The following MYH9 variants were observed in gnomAD, a reference collection of about 807,000 sequenced individuals.
MYH9 encodes myosin-9.
A neutral mutation model predicts 241.9 loss-of-function variants in MYH9; 29 were observed. The ratio of observed to expected loss-of-function variants is 0.12; its 90% CI spans 0.09 to 0.16. The LOEUF (loss-of-function observed/expected upper bound fraction) is 0.16, where lower values mean the gene tolerates loss of function less well. Among genes scored for constraint, MYH9 ranks in the 10% least tolerant of loss-of-function variants. The pLI, the probability that MYH9 is intolerant of heterozygous loss-of-function variation, is 1.00. For missense variants in MYH9, 1,803 were observed against 2,595.5 expected (o/e 0.69, Z 6.63); for synonymous variants, 1,047 against 1,062.6 (o/e 0.99, Z 0.29).
intron 1 of MYH9, among the ~76,000 whole-genome samples, chr22:36,376,999 G>C (rs997043348): frequency 2.6e-5 from 4 of 151,810 alleles, no homozygotes; most frequent in Non-Finnish European, 4.4e-5. Context: ...GGAGGTGGAG[G>C]TTGCAGTGAG....
chr22:36,286,711 C>T lies in MYH9; in HGVS notation c.5061+7G>A. On this transcript the variant is annotated splice_region_variant and intron_variant, in intron 35 of 40. Transcript: ENST00000216181. ...GCGGTGCCGCTCTCCATTGCAGCCCCACCCACCTCCTGCAACTGGATCATC... is the reference window on the plus strand; with the variant it reads ...GCGGTGCCGCTCTCCATTGCAGCCCTACCCACCTCCTGCAACTGGATCATC... The T allele has an allele frequency of 6.2e-7, 1 of 1,611,958 alleles. No individual in the cohort carries two copies.
At chr22:36,304,204 T>G (rs1205136176) in intron 18 of MYH9, 49 bp from the exon 19 acceptor site, 1 of 1,604,608 alleles carries the variant, frequency 6.2e-7, no homozygotes, top group African/African-American at 1.3e-5. Flanking sequence ...TGGCCACAGC[T>G]CCATGAAAGG....
chr22:36,325,353 C>G (rs1228919780), intron 5 of MYH9, among the ~76,000 whole-genome samples: 1 of 152,200 alleles, frequency 6.6e-6, no homozygotes, highest in African/African-American at 2.4e-5. Context: ...CACCCCAGAC[C>G]TGCATGCAGA....
chr22:36,377,779 G>A lies in MYH9; in HGVS notation c.-20+10028C>T, dbSNP rs5756166. Among the ~76,000 whole-genome samples the A allele has an allele frequency of 9.9e-4, 151 of 152,114 alleles. 1 individual carries two copies. In the East Asian group the frequency reaches 0.028, roughly 29 times the overall value. Reference sequence around the variant, plus strand: ...AAAAAAATTAGCCGGGCACGGTGGCGGGCACCTTGTAGTCTCAGCTACTCG... The same window carrying A: ...AAAAAAATTAGCCGGGCACGGTGGCAGGCACCTTGTAGTCTCAGCTACTCG... On this transcript the variant is annotated intron_variant, in intron 1 of 40. Coordinates refer to ENST00000216181, the MANE Select transcript of MYH9 (RefSeq NM_002473.6).
Position 36,355,921 on chromosome 22 carries a change from C to G in MYH9, c.-19-6666G>C, listed in dbSNP as rs1303855401. ...CCCCATCTCCCCATGCTGGCTTGCA[C>G]AAGGGACTCCATCCTTCCGACCTAA... is the stretch of plus-strand genomic sequence containing the variant. On this transcript the variant is annotated intron_variant, in intron 1 of 40. Transcript: ENST00000216181. 5.3e-5 allele frequency among the ~76,000 whole-genome samples: 8 copies of G among 152,300 alleles called. No individual in the cohort carries two copies. The East Asian group carries it at 1.5e-3, about 29-fold the overall frequency.
At chr22:36,372,426 C>T (rs530526738) in intron 1 of MYH9, among the ~76,000 whole-genome samples, 110 of 148,866 alleles carry the variant, frequency 7.4e-4, no homozygotes, top group African/African-American at 2.7e-3. Flanking sequence ...GAGGTTGAGG[C>T]TGCAATAAGC....
chr22:36,385,169 TTTC>T (rs1468848419), intron 1 of MYH9, among the ~76,000 whole-genome samples: 2 of 149,596 alleles, frequency 1.3e-5, no homozygotes, highest in African/African-American at 5.0e-5. Flanking sequence ...GGTTTTTTTT[TTTC>T]TCTCTCTCTC....
intron 1 of MYH9, among the ~76,000 whole-genome samples, chr22:36,379,912 C>T (rs2018229878): frequency 6.6e-6 from 1 of 152,204 alleles, no homozygotes; most frequent in Non-Finnish European, 1.5e-5. Flanking sequence ...GGAATGGGAA[C>T]CTGAGTAATT....
chr22:36,333,582 A>G lies in MYH9; in HGVS notation c.491-6094T>C, dbSNP rs1183784674. Among the ~76,000 whole-genome samples, 4 of 152,242 alleles carry G rather than the reference A, an allele frequency of 2.6e-5. No individual in the cohort carries two copies. The East Asian group carries it at 7.7e-4, about 29-fold the overall frequency. On this transcript the variant is annotated intron_variant, in intron 3 of 40. Coordinates refer to ENST00000216181, the MANE Select transcript of MYH9 (RefSeq NM_002473.6). Reference sequence around the variant, plus strand: ...CACACGGGGCTGACAGCCTTGGTCAAGACTAAACAAATTTGACAGAAGCCA... The same window carrying G: ...CACACGGGGCTGACAGCCTTGGTCAGGACTAAACAAATTTGACAGAAGCCA...
intron 19 of MYH9, among the ~76,000 whole-genome samples, chr22:36,303,533 A>G (rs2016918375): frequency 6.6e-6 from 1 of 151,928 alleles, no homozygotes; most frequent in Admixed American, 6.6e-5. Context: ...CTGTAATCCC[A>G]GCACTTTGGG....
chr22:36,295,439 A>C lies in MYH9; in HGVS notation c.3485+66T>G. The C allele has an allele frequency of 7.4e-7, 1 of 1,342,552 alleles. No individual in the cohort carries two copies. The highest frequency in any genetic ancestry group is 1.1e-6 in the Non-Finnish European group (1 of 952,366). The allele number at this position is 1,342,552 out of a possible 1,614,324, so 83.2% of individuals were successfully genotyped here. ...GTGTGTGTGCAGAGGCCCGGGGTCC[A>C]TGTCTCCAAGCCAAGGCCCCCCTGG... On this transcript the variant is annotated intron_variant, in intron 26 of 40. Transcript: ENST00000216181. The surrounding 1 kb of genome is among the most constrained non-coding windows in gnomAD (Gnocchi z 4.1).
chr22:36,282,696 T>A lies in MYH9; in HGVS notation c.5855A>T (p.Asp1952Val). 3.7e-6 allele frequency: 6 copies of A among 1,614,048 alleles called. No homozygotes were observed. Among genetic ancestry groups the A allele is most frequent in the Non-Finnish European group, 5.1e-6 (6 of 1,180,032 alleles). Residue 1952 changes from aspartate to valine, a missense_variant, in exon 41 of 41, where the codon GAT (aspartate) becomes GTT (valine). Physicochemically the swap from Asp to Val is radical, Grantham distance 152 (BLOSUM62 -3). This residue lies in a region of MYH9 where 876 missense variants were observed against 1,077.8 expected (regional missense o/e 0.81). Coordinates refer to ENST00000216181, the MANE Select transcript of MYH9 (RefSeq NM_002473.6). ...TTCGGCAGGTTTGGCCTCAGCCCCA[T>A]CCGCTTTGCCATCTACCTCTTCGTC... ...GSDEEVDGKA[D>V]GAEAKPAE
rs2016623550 is a variant in MYH9 at position 36,288,295 on chromosome 22, T to C, written c.4889A>G (p.Asn1630Ser). 1 of 1,614,018 alleles carries C rather than the reference T, an allele frequency of 6.2e-7. No homozygotes were observed. The highest frequency in any genetic ancestry group is 1.1e-5 in the South Asian group (1 of 91,082). ...TTTGATGGCTTCGTCCCGGTTCTTG[T>C]TGGCCGAGTCGATGTGCGCCTCCAG... ...KDLEAHIDSA[N>S]KNRDEAIKQL... The change falls in exon 34 of 41, where the codon AAC becomes AGC. Residue 1630 changes from asparagine (N) to serine (S), a missense_variant. Physicochemically the swap from Asn to Ser is conservative, Grantham distance 46 (BLOSUM62 1). This residue lies in a region of MYH9 where 876 missense variants were observed against 1,077.8 expected (regional missense o/e 0.81). Coordinates refer to ENST00000216181, the MANE Select transcript of MYH9 (RefSeq NM_002473.6). The surrounding 1 kb of genome is among the most constrained non-coding windows in gnomAD (Gnocchi z 4.8).
rs147991005 is a variant in MYH9, at chr22:36,289,426, C to T, written c.4345-129G>A. On this transcript the variant is annotated intron_variant, in intron 31 of 40. Transcript: ENST00000216181. ...TGGAGAGGAGCAGGCCTAGGAAGCA[C>T]AGGCCCAGGGCTGTGCCCAGGACAA... is the stretch of plus-strand genomic sequence containing the variant. 260 of 821,394 alleles carry T rather than the reference C, an allele frequency of 3.2e-4. 1 individual carries two copies. The East Asian group carries it at 6.0e-3, about 19-fold the overall frequency. 50.9% of individuals were successfully genotyped at this position (821,394 alleles called of 1,614,324 possible).
intron 2 of MYH9, among the ~76,000 whole-genome samples, chr22:36,342,043 G>C (rs2017599231): frequency 6.6e-6 from 1 of 152,196 alleles, no homozygotes; most frequent in African/African-American, 2.4e-5. Context: ...GATCCTTTGT[G>C]GGATAGTGGG....
At chr22:36,322,369 A>G in intron 6 of MYH9, 60 bp downstream of exon 6, 2 of 1,571,040 alleles carry the variant, frequency 1.3e-6, no homozygotes, top group Non-Finnish European at 1.8e-6. Flanking sequence ...AGGCAGCATG[A>G]GCCAAAGCTC....
rs771591274 is a variant in MYH9 at position 36,292,131 on chromosome 22, C to A, written c.4199G>T (p.Arg1400Leu). Residue 1400 changes from arginine to leucine, a missense_variant, in exon 31 of 41, where the codon CGG (arginine) becomes CTG (leucine). By Grantham distance (102) the Arg-to-Leu change is moderately radical. Around this residue, in one of 11 missense-constraint regions of MYH9, gnomAD observed 876 missense variants for 1,077.8 expected, o/e 0.81. Transcript: ENST00000216181. ...LQKDLEGLSQ[R>L]HEEKVAAYDK... ...GTAGGCGGCCACCTTCTCCTCGTGC[C>A]GCTGGCTCAGGCCCTCCAGGTCCTT... 2.5e-6 allele frequency: 4 copies of A among 1,614,070 alleles called. No individual in the cohort carries two copies. The African/African-American group carries it at 4.0e-5, about 16-fold the overall frequency.
chr22:36,321,238 C>T (rs2017246186), intron 7 of MYH9, among the ~76,000 whole-genome samples: 1 of 152,214 alleles, frequency 6.6e-6, no homozygotes, highest in African/African-American at 2.4e-5. Flanking sequence ...AGCCACTGTG[C>T]CTGGCCAGCC....
In MYH9 at chr22:36,320,138, A is replaced by G. The variant is rs2017226669; in HGVS notation, c.1012+82T>C. ...GGCCTCTAGCAGGCTCCCCAGGCCC[A>G]TCGGCTACCCTGATGCCCCGAGGCC... On this transcript the variant is annotated intron_variant, in intron 9 of 40. Coordinates refer to ENST00000216181, the MANE Select transcript of MYH9 (RefSeq NM_002473.6). This position sits in a 1 kb window ranked among gnomAD's most constrained non-coding sequence, Gnocchi z 4.8. The G allele has an allele frequency of 1.3e-6, 2 of 1,575,684 alleles. No homozygotes were observed. Among genetic ancestry groups the G allele is most frequent in the Middle Eastern group, 1.7e-4 (1 of 5,978 alleles).
Sources: gnomAD v4.1 joint callset for allele counts (sites outside exome capture counted in the v4.1 genomes callset) on GRCh38, gnomAD v4.1.1 for gene constraint, gnomAD v4.1.1 regional missense constraint, Gnocchi (gnomAD v3.1) non-coding constraint, MANE v1.5 for transcripts, NCBI Gene and HGNC (gene_info 2026-07-23, HGNC 2026-07-21) for gene names.